Variants in FBN2 observed in about 807,000 individuals in gnomAD.
FBN2 encodes the protein fibrillin-2.
A neutral mutation model predicts 355.6 loss-of-function variants in FBN2; 105 were observed. The ratio of observed to expected loss-of-function variants is 0.30; its 90% CI spans 0.25 to 0.35. The LOEUF (loss-of-function observed/expected upper bound fraction) is 0.35, where lower values mean the gene tolerates loss of function less well. Among genes scored for constraint, FBN2 ranks in the 10% least tolerant of loss-of-function variants. The probability of loss-of-function intolerance (pLI) is 1.00; values close to 1 mark genes in which losing one functional copy is unlikely to be tolerated. For synonymous variants in FBN2, 1,350 were observed against 1,301.2 expected (o/e 1.04, Z -0.81); for missense variants, 3,280 against 3,758.7 (o/e 0.87, Z 3.33).
At chr5:128,351,101 A>G (rs1751344833) in intron 20 of FBN2, 96 bp from the exon 21 acceptor site, 1 of 1,458,248 alleles carries the variant, frequency 6.9e-7, no homozygotes, top group Admixed American at 1.7e-5. Flanking sequence ...TATTCTAAAA[A>G]AGAAAGATTA....
At chr5:128,422,865 C>G (rs1753386814) in intron 7 of FBN2, among the ~76,000 whole-genome samples, 1 of 151,760 alleles carries the variant, frequency 6.6e-6, no homozygotes. Context: ...CCTTTTTTTC[C>G]AAACACATAG....
intron 34 of FBN2, among the ~76,000 whole-genome samples, chr5:128,320,160 A>C (rs977317500): frequency 6.6e-6 from 1 of 152,080 alleles, no homozygotes; most frequent in Non-Finnish European, 1.5e-5. Flanking sequence ...GCTAGATTAC[A>C]ATTGAATTGT....
intron 2 of FBN2, among the ~76,000 whole-genome samples, chr5:128,534,065 A>T (rs776555434): frequency 6.6e-5 from 10 of 152,180 alleles, no homozygotes; most frequent in African/African-American, 2.4e-4. Flanking sequence ...AGCCTGTCAA[A>T]CACTAAAATT....
chr5:128,449,382 A>G (rs1225118905), intron 6 of FBN2, among the ~76,000 whole-genome samples: 1 of 98,234 alleles, frequency 1.0e-5, no homozygotes, highest in Non-Finnish European at 1.9e-5. Context: ...TTTATAGTAT[A>G]CTATATAATA....
chr5:128,524,381 A>G (rs1189749521), intron 4 of FBN2, among the ~76,000 whole-genome samples: 1 of 152,072 alleles, frequency 6.6e-6, no homozygotes, highest in African/African-American at 2.4e-5. Flanking sequence ...CGCTACCTAA[A>G]TGTGTATTAG....
chr5:128,416,961 T>C (rs901952527), intron 7 of FBN2, among the ~76,000 whole-genome samples: 9 of 152,216 alleles, frequency 5.9e-5, no homozygotes, highest in Non-Finnish European at 1.3e-4. Flanking sequence ...ATTTTAATGA[T>C]ATTAATTCTT....
chr5:128,391,958 C>A, intron 11 of FBN2, 60 bp downstream of exon 11: 1 of 1,454,154 alleles, frequency 6.9e-7, no homozygotes, highest in African/African-American at 1.4e-5. Flanking sequence ...CCAATTTGAT[C>A]CTGTAATCTA....
intron 34 of FBN2, among the ~76,000 whole-genome samples, chr5:128,324,367 A>C (rs1750481873): frequency 6.6e-6 from 1 of 151,968 alleles, no homozygotes; most frequent in Non-Finnish European, 1.5e-5. Context: ...AGTTCTTTTA[A>C]TTGTGATGTT....
chr5:128,372,685 T>A (rs1751973153), intron 15 of FBN2, among the ~76,000 whole-genome samples: 1 of 152,124 alleles, frequency 6.6e-6, no homozygotes. Flanking sequence ...AGACACAGGA[T>A]TTCACCATGG....
chr5:128,275,869 C>T (rs1281908665), intron 59 of FBN2, among the ~76,000 whole-genome samples, 169 bp downstream of exon 59: 2 of 152,168 alleles, frequency 1.3e-5, no homozygotes, highest in Non-Finnish European at 2.9e-5. Flanking sequence ...CTCTCTGCTT[C>T]CTGCAATGAG....
chr5:128,296,616 T>C lies in FBN2; in HGVS notation c.6166+4201A>G, dbSNP rs1399907587. Among the ~76,000 whole-genome samples, 9 of 152,284 alleles carry C rather than the reference T, an allele frequency of 5.9e-5. No homozygotes were observed. The South Asian group carries it at 1.0e-3, about 18-fold the overall frequency. The stretch of plus-strand genomic sequence containing the variant: ...TCCATTTCTTCTAGATTTTCTAGTT[T>C]ATTTGTGTAGAGGTGTTTGTAGTAT... On this transcript the variant is annotated intron_variant, in intron 48 of 64. Transcript: ENST00000262464.
Position 128,519,784 on chromosome 5 carries a change from G to A in FBN2, c.533-416C>T, listed in dbSNP as rs537962060. Among the ~76,000 whole-genome samples, 65 of 151,372 alleles carry A rather than the reference G, an allele frequency of 4.3e-4. 1 individual carries two copies. Among genetic ancestry groups the A allele is most frequent in the Admixed American group, 1.8e-3 (27 of 15,196 alleles). On this transcript the variant is annotated intron_variant, in intron 4 of 64. Transcript: ENST00000262464. ...ATGAAGGAAAAAAGAGGCCGATCCC[G>A]GTAGCACAGGGAAGGAGTAGGAGGA... is the stretch of plus-strand genomic sequence containing the variant.
intron 6 of FBN2, among the ~76,000 whole-genome samples, chr5:128,459,087 T>A (rs1427264439): frequency 1.3e-5 from 2 of 151,610 alleles, no homozygotes; most frequent in Non-Finnish European, 2.9e-5. Flanking sequence ...AAGAGAAGAA[T>A]CAAATAGACA....
intron 8 of FBN2, among the ~76,000 whole-genome samples, chr5:128,401,609 C>T (rs1322789171): frequency 6.6e-6 from 1 of 151,992 alleles, no homozygotes; most frequent in African/African-American, 2.4e-5. Flanking sequence ...GGTGAAACCC[C>T]ATCTCTACTA....
intron 4 of FBN2, among the ~76,000 whole-genome samples, chr5:128,523,455 T>C (rs1251824242): frequency 1.3e-5 from 2 of 152,156 alleles, no homozygotes; most frequent in East Asian, 3.9e-4. Context: ...CTCTCTTCTT[T>C]AGCTACAACA....
chr5:128,265,348 T>G (rs560768395), intron 62 of FBN2, among the ~76,000 whole-genome samples: 10 of 152,196 alleles, frequency 6.6e-5, no homozygotes, highest in Non-Finnish European at 1.3e-4. Context: ...ACTGAATAAA[T>G]TATATTTAAA....
chr5:128,262,400 A>C lies in FBN2; in HGVS notation c.8193-493T>G, dbSNP rs114483769. On this transcript the variant is annotated intron_variant, in intron 63 of 64. Coordinates refer to ENST00000262464, the MANE Select transcript of FBN2 (RefSeq NM_001999.4). ...TAGATAAACTTTTCCCTTATTTTGA[A>C]ACAGCAAAATTCTTCTGAGGGTGAG... is the stretch of plus-strand genomic sequence containing the variant. Among the ~76,000 whole-genome samples, 1,513 of 152,288 alleles carry C rather than the reference A, an allele frequency of 9.9e-3. 19 individuals are homozygous for C. Among genetic ancestry groups the C allele is most frequent in the African/African-American group, 0.035 (1,437 of 41,550 alleles).
chr5:128,376,583 G>A, intron 14 of FBN2, 148 bp downstream of exon 14: 1 of 899,188 alleles, frequency 1.1e-6, no homozygotes, highest in Non-Finnish European at 1.8e-6. Context: ...TTTCTAGAAA[G>A]CTTTAGACAC....
At chr5:128,425,016 C>CT (rs11325028) in intron 7 of FBN2, among the ~76,000 whole-genome samples, 2,151 of 143,944 alleles carry the variant, frequency 0.015, 55 homozygotes, top group African/African-American at 0.048. Context: ...TTTCCTTTTC[C>CT]TTTTTTTTTT....
Sources: gnomAD v4.1 joint callset for allele counts (sites outside exome capture counted in the v4.1 genomes callset) on GRCh38, gnomAD v4.1.1 for gene constraint, MANE v1.5 for transcripts, NCBI Gene and HGNC (gene_info 2026-07-23, HGNC 2026-07-21) for gene names.